DMPK: variants seen among roughly 807,000 people sequenced by gnomAD.
DMPK encodes myotonin-protein kinase.
A neutral mutation model predicts 70.3 loss-of-function variants in DMPK; 32 were observed. The observed-to-expected ratio is 0.46, with a 90% CI of 0.34 to 0.61. DMPK has a LOEUF of 0.61. Ranked by LOEUF, DMPK falls within the 20% of genes least tolerant of loss-of-function variation. The pLI is 0.01. For missense variants in DMPK, 899 were observed against 886.0 expected, an observed-to-expected ratio of 1.01 and a Z score of -0.19; for synonymous variants, 469 against 390.9, an observed-to-expected ratio of 1.20 and a Z score of -2.36.
rs962782454 is a variant in DMPK, at chr19:45,780,481, T to C, written c.161-612A>G. 5 of 1,197,130 alleles carry C rather than the reference T, an allele frequency of 4.2e-6. No homozygotes were observed. In the East Asian group the frequency reaches 2.9e-4, roughly 69 times the overall value. 74.2% of individuals were successfully genotyped at this position (1,197,130 alleles called of 1,614,324 possible). Reference sequence around the variant, plus strand: ...CCATCTCTCAGTCCTCCAGGAGGAGTGCTTTAGTCCTACCCCTTATTTACA... The same window carrying C: ...CCATCTCTCAGTCCTCCAGGAGGAGCGCTTTAGTCCTACCCCTTATTTACA... On this transcript the variant is annotated intron_variant, in intron 1 of 14. Coordinates refer to ENST00000291270, the MANE Select transcript of DMPK (RefSeq NM_004409.5).
At position 45,770,264 on chromosome 19, in the gene DMPK, G is replaced by GCAGCAGCAGCAGCAGCAGCAT. The variant is rs1372172399; in HGVS notation, c.*223_*224insATGCTGCTGCTGCTGCTGCTG. The stretch of plus-strand genomic sequence containing the variant: ...AGCAGCAGCAGCAGCAGCAGCAGCA[G>GCAGCAGCAGCAGCAGCAGCAT]CATTCCCGGCTACAAGGACCCTTCG... On this transcript the variant is annotated 3_prime_UTR_variant, in exon 15 of 15. Coordinates refer to ENST00000291270, the MANE Select transcript of DMPK (RefSeq NM_004409.5). 42 of 811,160 alleles carry GCAGCAGCAGCAGCAGCAGCAT rather than the reference G, an allele frequency of 5.2e-5. No homozygotes were observed. Among genetic ancestry groups the GCAGCAGCAGCAGCAGCAGCAT allele is most frequent in the East Asian group, 1.4e-4 (5 of 35,146 alleles). 50.2% of individuals were successfully genotyped at this position (811,160 alleles called of 1,614,324 possible).
At chr19:45,772,511 C>T in intron 10 of DMPK, 130 bp downstream of exon 10, 4 of 572,770 alleles carry the variant, frequency 7.0e-6, no homozygotes, top group Non-Finnish European at 1.2e-5. Context: ...GTAACCTCGT[C>T]TCTCCGTGGT....
chr19:45,775,220 T>C (rs1017500916), intron 8 of DMPK, 186 bp from the exon 9 acceptor site: 98 of 550,034 alleles, frequency 1.8e-4, no homozygotes, highest in Admixed American at 3.1e-4. Flanking sequence ...CAGGCTGGAG[T>C]GCAGTGGTGC....
At chr19:45,781,668 C>T (rs989869796) in intron 1 of DMPK, among the ~76,000 whole-genome samples, 7 of 152,182 alleles carry the variant, frequency 4.6e-5, no homozygotes, top group East Asian at 1.9e-4. Context: ...ACAGGGCCCG[C>T]GTGAGTCACC....
In DMPK at chr19:45,777,526, C is replaced by T. The variant is rs778669160; in HGVS notation, c.947G>A (p.Arg316Gln). ...VPEEARDFIQRLLCPPETRLG... is the reference protein window; with the variant it reads ...VPEEARDFIQQLLCPPETRLG... ...CCGTGTCTCCGGGGGACACAGCAAC[C>T]GCTGAATGAAGTCTCGAGCCTCCTC... The change falls in exon 8 of 15, where the codon CGG becomes CAG. Residue 316 changes from arginine to glutamine, a missense_variant. Arg to Gln is a conservative substitution (Grantham distance 43). This residue lies in a region of DMPK where 555 missense variants were observed against 483.8 expected (regional missense o/e 1.15). Coordinates refer to ENST00000291270, the MANE Select transcript of DMPK (RefSeq NM_004409.5). The surrounding 1 kb of genome is among the most constrained non-coding windows in gnomAD (Gnocchi z 6.7). The T allele has an allele frequency of 4.2e-5, 68 of 1,613,510 alleles. No individual in the cohort carries two copies. Among genetic ancestry groups the T allele is most frequent in the East Asian group, 1.8e-4 (8 of 44,902 alleles).
In DMPK at chr19:45,779,591, CA is replaced by C. The variant is rs1161962489; in HGVS notation, c.253-70del. 5 of 1,597,078 alleles carry C rather than the reference CA, an allele frequency of 3.1e-6. No individual in the cohort carries two copies. The African/African-American group carries it at 6.7e-5, about 21-fold the overall frequency. Reference sequence around the variant, plus strand: ...AAAAGGGCTCGCCCAGACCCAACTCCACCCGCTTCTGCACCCAGCCGTGGCC... The same window carrying C: ...AAAAGGGCTCGCCCAGACCCAACTCCCCCGCTTCTGCACCCAGCCGTGGCC... On this transcript the variant is annotated intron_variant, in intron 2 of 14. Coordinates refer to ENST00000291270, the MANE Select transcript of DMPK (RefSeq NM_004409.5).
At chr19:45,780,332 C>G (rs1190388449) in intron 1 of DMPK, 1 of 1,550,130 alleles carries the variant, frequency 6.5e-7, no homozygotes, top group Non-Finnish European at 8.7e-7. Flanking sequence ...CCTCTAGATT[C>G]AGATGCAGGT....
intron 1 of DMPK, chr19:45,780,431 C>A: frequency 7.5e-7 from 1 of 1,331,184 alleles, no homozygotes; most frequent in Non-Finnish European, 9.8e-7. Context: ...GTCACATATC[C>A]CAGACTCAAG....
intron 4 of DMPK, 71 bp from the exon 5 acceptor site, chr19:45,778,712 A>T: frequency 1.3e-6 from 2 of 1,508,752 alleles, no homozygotes; most frequent in South Asian, 2.4e-5. Context: ...GGCTGGGACA[A>T]CCCCTCCCAG....
chr19:45,776,595 T>C (rs1192143064), intron 8 of DMPK: 3 of 153,386 alleles, frequency 2.0e-5, no homozygotes, highest in Non-Finnish European at 4.4e-5. Context: ...TAGCTGAGTA[T>C]ACAGGCATGC....
At chr19:45,779,691 G>A (rs892979143) in intron 2 of DMPK, 87 bp downstream of exon 2, 14 of 1,529,902 alleles carry the variant, frequency 9.2e-6, no homozygotes, top group South Asian at 1.3e-5. Flanking sequence ...CTAAGGCTCG[G>A]TCATTCATCA....
chr19:45,780,380 G>A, intron 1 of DMPK: 1 of 1,472,002 alleles, frequency 6.8e-7, no homozygotes, highest in South Asian at 1.1e-5. Flanking sequence ...CTGGATTTGG[G>A]GCTGGGGGAA....
chr19:45,771,266 A>G (rs1418238921), intron 13 of DMPK, 84 bp downstream of exon 13: 1 of 1,512,866 alleles, frequency 6.6e-7, no homozygotes, highest in Admixed American at 2.2e-5. Context: ...TGAGCCCTAT[A>G]TCTGGACGGG....
chr19:45,777,807 C>A lies in DMPK; in HGVS notation c.742G>T (p.Gly248Cys). The A allele has an allele frequency of 6.2e-7, 1 of 1,612,772 alleles. No individual in the cohort carries two copies. The highest frequency in any genetic ancestry group is 1.1e-5 in the South Asian group (1 of 91,080). ...CCGTAGCTGCCTGTCCCAGGCCCAC[C>A]GCCCACAGCCTGCAGGATCTCGGGG... ...LSPEILQAVG[G>C]GPGTGSYGPE... is the part of the protein sequence containing the mutation. The change falls in exon 7 of 15, where the codon GGT (glycine) becomes TGT (cysteine). Residue 248 changes from glycine to cysteine, a missense_variant. Physicochemically the swap from Gly to Cys is radical, Grantham distance 159 (BLOSUM62 -3). Coordinates refer to ENST00000291270, the MANE Select transcript of DMPK (RefSeq NM_004409.5). This position sits in a 1 kb window ranked among gnomAD's most constrained non-coding sequence, Gnocchi z 6.7.
In DMPK at chr19:45,771,475, C is replaced by T; in HGVS notation, c.1601-79G>A. 2.5e-6 allele frequency: 4 copies of T among 1,609,830 alleles called. No homozygotes were observed. In the South Asian group the frequency reaches 3.3e-5, roughly 13 times the overall value. ...GGCGCGGCGTGCCCCAGCGTGGGTC[C>T]CTTCCCTCCTCCAGGTGTCTATACA... On this transcript the variant is annotated intron_variant, in intron 12 of 14. Coordinates refer to ENST00000291270, the MANE Select transcript of DMPK (RefSeq NM_004409.5).
Position 45,777,563 on chromosome 19 carries a change from C to T in DMPK, c.910G>A (p.Glu304Lys), listed in dbSNP as rs773706825. 3.1e-5 allele frequency: 50 copies of T among 1,613,374 alleles called. No homozygotes were observed. Among genetic ancestry groups the T allele is most frequent in the Admixed American group, 6.7e-5 (4 of 59,988 alleles). The change falls in exon 8 of 15, where the codon GAA (glutamate) becomes AAA (lysine). Residue 304 changes from glutamate (E) to lysine (K), a missense_variant. Physicochemically the swap from Glu to Lys is moderately conservative, Grantham distance 56. Around this residue, in one of 3 missense-constraint regions of DMPK, gnomAD observed 555 missense variants for 483.8 expected, o/e 1.15. Coordinates refer to ENST00000291270, the MANE Select transcript of DMPK (RefSeq NM_004409.5). This position sits in a 1 kb window ranked among gnomAD's most constrained non-coding sequence, Gnocchi z 6.7. ...KEHLSLPLVD[E>K]GVPEEARDFI... ...TCTCGAGCCTCCTCAGGGACCCCTT[C>T]GTCCACCAGCGGCAGAGAGAGGTGC... is the stretch of plus-strand genomic sequence containing the variant.
Position 45,777,213 on chromosome 19 carries a change from G to T in DMPK, c.1146+114C>A. On this transcript the variant is annotated intron_variant, in intron 8 of 14. Coordinates refer to ENST00000291270, the MANE Select transcript of DMPK (RefSeq NM_004409.5). This position sits in a 1 kb window ranked among gnomAD's most constrained non-coding sequence, Gnocchi z 6.7. ...AGTAGTAGATGGGCACAGAGCAGGTGCTCTGGGGAATGAGTGATTCAGGAC... is the reference window on the plus strand; with the variant it reads ...AGTAGTAGATGGGCACAGAGCAGGTTCTCTGGGGAATGAGTGATTCAGGAC... The T allele has an allele frequency of 7.2e-7, 1 of 1,379,870 alleles. No individual in the cohort carries two copies. Among genetic ancestry groups the T allele is most frequent in the Non-Finnish European group, 9.6e-7 (1 of 1,045,818 alleles). 85.5% of individuals were successfully genotyped at this position (1,379,870 alleles called of 1,614,324 possible).
In DMPK at chr19:45,775,030, GT is replaced by G; in HGVS notation, c.1150del (p.Thr384HisfsTer11). On this transcript the variant is annotated frameshift_variant, in exon 9 of 15. Transcript: ENST00000291270. LOFTEE classifies it high-confidence loss of function. ...CGCACCTTCCCGAATGTCCGACAGTGTCTCCTGCGCAAGACACACAGATGTG... is the reference window on the plus strand; with the variant it reads ...CGCACCTTCCCGAATGTCCGACAGTGCTCCTGCGCAAGACACACAGATGTG... ...LTAMVSGGGE[T>X]LSDIREGAPL... 6.2e-7 allele frequency: 1 copy of G among 1,613,532 alleles called. No individual in the cohort carries two copies. The highest frequency in any genetic ancestry group is 8.5e-7 in the Non-Finnish European group (1 of 1,179,808).
chr19:45,770,545 G>T lies in DMPK; in HGVS notation c.1833C>A (p.Ala611=). The change falls in exon 15 of 15, where the codon GCC becomes GCA. Residue 611 remains alanine (A), a synonymous_variant. Transcript: ENST00000291270. ...AGACTGCGGTGAGTTGGCCGGCGTG[G>T]GCCACCAACCCAATGCAGCCCAGGG... ...AAALGCIGLV[A]HAGQLTAVWR... 6.4e-7 allele frequency: 1 copy of T among 1,550,898 alleles called. No individual in the cohort carries two copies. Among genetic ancestry groups the T allele is most frequent in the Non-Finnish European group, 8.7e-7 (1 of 1,146,950 alleles).
Sources: gnomAD v4.1 joint callset for allele counts (sites outside exome capture counted in the v4.1 genomes callset) on GRCh38, gnomAD v4.1.1 for gene constraint, gnomAD v4.1.1 regional missense constraint, Gnocchi (gnomAD v3.1) non-coding constraint, MANE v1.5 for transcripts, NCBI Gene and HGNC (gene_info 2026-07-23, HGNC 2026-07-21) for gene names.